Variants in ZNF391 observed in about 807,000 individuals in gnomAD.
ZNF391 encodes the protein zinc finger protein 391.
For synonymous variants in ZNF391, 126 were observed against 142.1 expected, an observed-to-expected ratio of 0.89 and a Z score of 0.80; for missense variants, 375 against 425.5, an observed-to-expected ratio of 0.88 and a Z score of 1.04.
In ZNF391 at chr6:27,401,324, A is replaced by G. The variant is rs1395983524; in HGVS notation, c.954A>G (p.Ser318=). 6.2e-7 allele frequency: 1 copy of G among 1,614,122 alleles called. No homozygotes were observed. The highest frequency in any genetic ancestry group is 8.5e-7 in the Non-Finnish European group (1 of 1,180,018). Residue 318 remains serine (S), a synonymous_variant, in exon 3 of 3, where the codon TCA becomes TCG. Coordinates refer to ENST00000244576, the MANE Select transcript of ZNF391 (RefSeq NM_001076781.3). ...RVCGKGFSRS[S]SLIIHQRTHT... is the part of the protein sequence containing the mutation. ...GTGGAAAGGGCTTCAGTCGAAGCTC[A>G]TCCCTTATTATTCATCAGAGAACTC...
At chr6:27,381,045 C>G (rs1761492849) in intron 1 of ZNF391, among the ~76,000 whole-genome samples, 2 of 152,264 alleles carry the variant, frequency 1.3e-5, no homozygotes, top group Non-Finnish European at 2.9e-5. Flanking sequence ...GAGCTGCCTG[C>G]CAGTCCCGCG....
chr6:27,383,491 A>G (rs949433698), intron 1 of ZNF391, among the ~76,000 whole-genome samples: 1 of 152,130 alleles, frequency 6.6e-6, no homozygotes, highest in African/African-American at 2.4e-5. Flanking sequence ...AAAGAAATTT[A>G]TTTCTTATAC....
At chr6:27,386,154 T>A (rs1281379993), upstream of ZNF391, among the ~76,000 whole-genome samples, 3 of 152,120 alleles carry the variant, frequency 2.0e-5, no homozygotes, top group African/African-American at 4.8e-5. Flanking sequence ...TTTATGGCAA[T>A]GAATATATAC....
chr6:27,394,718 A>G (rs1468716955), intron 1 of ZNF391, among the ~76,000 whole-genome samples: 1 of 152,218 alleles, frequency 6.6e-6, no homozygotes, highest in Admixed American at 6.5e-5. Flanking sequence ...GTGCTTGGAA[A>G]AGCCACAGGC....
chr6:27,388,985 C>G lies in ZNF391; in HGVS notation c.-278C>G, dbSNP rs1182469141. On this transcript the variant is annotated 5_prime_UTR_variant, in exon 1 of 3. Transcript: ENST00000244576. ...TCCCCAAGCCCAGCGCACTCAGGTT[C>G]CGCTCCAAGTGCGGGACCCGCCCGG... 1 of 456,392 alleles carries G rather than the reference C, an allele frequency of 2.2e-6. No individual in the cohort carries two copies. The highest frequency in any genetic ancestry group is 2.0e-5 in the African/African-American group (1 of 50,078). 28.3% of individuals were successfully genotyped at this position (456,392 alleles called of 1,614,324 possible).
chr6:27,388,563 G>T (rs1561809813), upstream of ZNF391, among the ~76,000 whole-genome samples: 6 of 152,222 alleles, frequency 3.9e-5, no homozygotes. Context: ...ACTTTGCAGT[G>T]TATTAAGGTG....
chr6:27,380,418 G>T (rs1204296849), intron 1 of ZNF391, among the ~76,000 whole-genome samples: 1 of 151,912 alleles, frequency 6.6e-6, no homozygotes, highest in Non-Finnish European at 1.5e-5. Context: ...CTCCCGGTGG[G>T]TTCGTGGTCT....
At chr6:27,380,558 A>AG (rs1173042656) in intron 1 of ZNF391, among the ~76,000 whole-genome samples, 4 of 152,216 alleles carry the variant, frequency 2.6e-5, no homozygotes, top group African/African-American at 9.6e-5. Context: ...ACAGTGTGGA[A>AG]GGGGTTGCCA....
intron 1 of ZNF391, among the ~76,000 whole-genome samples, chr6:27,380,492 T>C (rs1761481877): frequency 8.0e-6 from 1 of 124,746 alleles, no homozygotes; most frequent in African/African-American, 3.1e-5. Context: ...AAAGACAGTA[T>C]GGACCCAAAG....
Position 27,378,507 on chromosome 6 carries a change from A to G in ZNF391, n.523+3370A>G, listed in dbSNP as rs150160855. 6.6e-5 allele frequency among the ~76,000 whole-genome samples: 10 copies of G among 152,194 alleles called. No homozygotes were observed. The East Asian group carries it at 7.7e-4, about 12-fold the overall frequency. On this transcript the variant is annotated intron_variant and non_coding_transcript_variant, in intron 1 of 2. Coordinates refer to the ZNF391 transcript ENST00000477999. ...TTTTTGAGCCAGGATGAGCCAGGAG[A>G]AGGAATTTCACAAGGTAATGTCATC... is the stretch of plus-strand genomic sequence containing the variant.
chr6:27,388,257 T>C (rs1406344412), upstream of ZNF391, among the ~76,000 whole-genome samples: 2 of 152,170 alleles, frequency 1.3e-5, no homozygotes, highest in Non-Finnish European at 2.9e-5. Context: ...AAAAATCTAC[T>C]AGATTAGGGT....
intron 1 of ZNF391, among the ~76,000 whole-genome samples, chr6:27,389,976 C>G (rs980759595): frequency 1.3e-5 from 2 of 152,106 alleles, no homozygotes; most frequent in Admixed American, 6.5e-5. Context: ...GTGCTTTGAG[C>G]CAATATCTGG....
At position 27,401,409 on chromosome 6, in the gene ZNF391, A is replaced by G. The variant is rs778557429; in HGVS notation, c.1039A>G (p.Thr347Ala). ...DCGKAFCQSS[T>A]LIRHQHLHTK... The stretch of plus-strand genomic sequence containing the variant: ...TGGAAAAGCCTTCTGTCAGAGTTCA[A>G]CTCTGATCAGACATCAGCACCTTCA... The change falls in exon 3 of 3, where the codon ACT becomes GCT. Residue 347 changes from threonine to alanine, a missense_variant. Coordinates refer to ENST00000244576, the MANE Select transcript of ZNF391 (RefSeq NM_001076781.3). 5.0e-6 allele frequency: 8 copies of G among 1,611,780 alleles called. No homozygotes were observed. The highest frequency in any genetic ancestry group is 1.3e-5 in the African/African-American group (1 of 74,884).
chr6:27,400,093 T>A (rs994348841), intron 2 of ZNF391, among the ~76,000 whole-genome samples, 200 bp from the exon 3 acceptor site: 7 of 152,204 alleles, frequency 4.6e-5, no homozygotes, highest in African/African-American at 1.7e-4. Context: ...TTGATGTCTC[T>A]GTGTTCACCA....
chr6:27,375,828 A>T (rs1230280825), intron 1 of ZNF391, among the ~76,000 whole-genome samples: 1 of 152,188 alleles, frequency 6.6e-6, no homozygotes, highest in African/African-American at 2.4e-5. Context: ...AAATCACACA[A>T]AGCAAGGAAG....
intron 1 of ZNF391, among the ~76,000 whole-genome samples, chr6:27,375,545 A>G (rs1010521676): frequency 1.3e-5 from 2 of 152,232 alleles, no homozygotes; most frequent in Non-Finnish European, 1.5e-5. Flanking sequence ...AGGGTCCCAG[A>G]AAAATCAGAC....
chr6:27,388,697 T>C (rs12202956), upstream of ZNF391: 17,402 of 332,002 alleles, frequency 0.052, 640 homozygotes, highest in Non-Finnish European at 0.073. Context: ...ACAGCCCTGC[T>C]GTAGCTGGCT....
intron 1 of ZNF391, among the ~76,000 whole-genome samples, chr6:27,390,618 A>C (rs1450023836): frequency 6.6e-6 from 1 of 152,170 alleles, no homozygotes; most frequent in African/African-American, 2.4e-5. Context: ...TCTTACATAC[A>C]TCCTCCAAAG....
chr6:27,384,322 G>A (rs928794925), upstream of ZNF391, among the ~76,000 whole-genome samples: 15 of 151,848 alleles, frequency 9.9e-5, no homozygotes, highest in Non-Finnish European at 1.2e-4. Context: ...AAATTAGCCT[G>A]GTTTGGTGGT....
Sources: allele counts gnomAD v4.1 joint callset (sites outside exome capture counted in the v4.1 genomes callset), GRCh38; gene constraint gnomAD v4.1.1; transcripts MANE v1.5; gene names NCBI Gene and HGNC (gene_info 2026-07-23, HGNC 2026-07-21).